The following ACOT1 variants were observed in gnomAD, a reference collection of about 807,000 sequenced individuals.
ACOT1 encodes acyl-CoA thioesterase 1.
In ACOT1, 8 loss-of-function variants were observed where a neutral mutation model predicts 15.7. That is an observed-to-expected ratio of 0.51 (90% CI 0.30 to 0.92). The LOEUF (loss-of-function observed/expected upper bound fraction) is 0.92. Ranked by LOEUF, ACOT1 falls within the 40% of genes least tolerant of loss-of-function variation. The pLI is 0.06. For missense variants in ACOT1, 151 were observed against 539.4 expected, an observed-to-expected ratio of 0.28 and a Z score of 7.13; for synonymous variants, 67 against 241.2, an observed-to-expected ratio of 0.28 and a Z score of 6.69.
the ACOT1 span, among the ~76,000 whole-genome samples, chr14:73,501,260 A>C: frequency 6.6e-6 from 1 of 151,542 alleles, no homozygotes; most frequent in African/African-American, 2.4e-5. Context: ...TTGGGACTAT[A>C]GGCGCCCACC....
chr14:73,501,515 T>C, the ACOT1 span, among the ~76,000 whole-genome samples: 2 of 150,926 alleles, frequency 1.3e-5, no homozygotes, highest in Non-Finnish European at 3.0e-5. Flanking sequence ...TCAGCCTGAG[T>C]AGCTGGGATT....
At chr14:73,510,014 C>T in the ACOT1 span, among the ~76,000 whole-genome samples, 6 of 150,650 alleles carry the variant, frequency 4.0e-5, no homozygotes, top group African/African-American at 1.5e-4. Context: ...GCTGGGACTA[C>T]AGGCACCCAG....
chr14:73,501,905 C>T, the ACOT1 span, among the ~76,000 whole-genome samples: 1 of 152,022 alleles, frequency 6.6e-6, no homozygotes. Flanking sequence ...AGGCGCCCGC[C>T]ACCACGCCCT....
the ACOT1 span, among the ~76,000 whole-genome samples, chr14:73,497,033 C>G: frequency 6.6e-6 from 1 of 151,508 alleles, no homozygotes; most frequent in Non-Finnish European, 1.5e-5. Flanking sequence ...GTTGCTGGGA[C>G]TACAGGCGCG....
At chr14:73,509,754 CAGTGAA>C in the ACOT1 span, among the ~76,000 whole-genome samples, 1 of 136,646 alleles carries the variant, frequency 7.3e-6, no homozygotes, top group Non-Finnish European at 1.5e-5. Flanking sequence ...AGCTAGGCTA[CAGTGAA>C]CTACACCATT....
At chr14:73,498,472 A>G in the ACOT1 span, 3 of 754,302 alleles carry the variant, frequency 4.0e-6, no homozygotes, top group Non-Finnish European at 6.3e-6. Flanking sequence ...AATTTTAGGG[A>G]TAGGTCAGAA....
At chr14:73,491,425 C>T in the ACOT1 span, 540 of 1,354,712 alleles carry the variant, frequency 4.0e-4, 5 homozygotes, top group Admixed American at 3.7e-4. Flanking sequence ...TGGAGGTGCC[C>T]GCCGCGCCGG....
chr14:73,528,077 A>G, the ACOT1 span, among the ~76,000 whole-genome samples: 1 of 151,856 alleles, frequency 6.6e-6, no homozygotes, highest in Admixed American at 6.6e-5. Flanking sequence ...AAAGAATACC[A>G]TATTACCATT....
At chr14:73,523,156 G>A in the ACOT1 span, 2 of 1,572,006 alleles carry the variant, frequency 1.3e-6, no homozygotes, top group East Asian at 2.3e-5. Context: ...TGGTCATACC[G>A]CGTCCCAGCA....
chr14:73,498,018 T>C, the ACOT1 span: 21 of 713,810 alleles, frequency 2.9e-5, no homozygotes, highest in African/African-American at 3.4e-4. Context: ...CCTACTTGGG[T>C]GAGTGGTGAA....
chr14:73,504,244 A>AT, the ACOT1 span, among the ~76,000 whole-genome samples: 4,363 of 131,242 alleles, frequency 0.033, 188 homozygotes, highest in South Asian at 0.16. Context: ...AGCCTGGCTA[A>AT]TTTTTTTTTT....
the ACOT1 span, chr14:73,522,339 C>T: frequency 6.2e-7 from 1 of 1,614,218 alleles, no homozygotes; most frequent in Non-Finnish European, 8.5e-7. Flanking sequence ...ACACTTTGAT[C>T]CTCAAACTCT....
the ACOT1 span, among the ~76,000 whole-genome samples, chr14:73,528,151 T>C: frequency 1.4e-3 from 212 of 151,770 alleles, no homozygotes; most frequent in South Asian, 4.0e-3. Context: ...TCCCAACACT[T>C]TGGGAGGCTG....
the ACOT1 span, among the ~76,000 whole-genome samples, chr14:73,516,655 G>T: frequency 6.6e-6 from 1 of 152,156 alleles, no homozygotes; most frequent in Non-Finnish European, 1.5e-5. Context: ...CAGGCCATGG[G>T]CCTGTACCAG....
chr14:73,532,276 T>C (rs1416643022), upstream of ACOT1, among the ~76,000 whole-genome samples: 1 of 115,330 alleles, frequency 8.7e-6, no homozygotes, highest in African/African-American at 2.8e-5. Flanking sequence ...CAATCCTATT[T>C]TCCCTGATCT....
the ACOT1 span, among the ~76,000 whole-genome samples, chr14:73,523,468 C>G: frequency 2.0e-5 from 3 of 152,366 alleles, no homozygotes; most frequent in East Asian, 5.8e-4. Flanking sequence ...TGAGGGATGA[C>G]TGCTTTTCAG....
At chr14:73,535,469 C>CTTTTTTTTT (rs869167008), upstream of ACOT1, among the ~76,000 whole-genome samples, 12 of 16,532 alleles carry the variant, frequency 7.3e-4, 1 homozygote, top group Admixed American at 3.1e-3. Flanking sequence ...TTTCTTCTTT[C>CTTTTTTTTT]TTTTTTTTTT....
rs1424247093 is a variant in ACOT1 at position 73,538,984 on chromosome 14, CAAAA to C, written c.457+1109_457+1112del. ...ACTCCATCTAAAACAAAAACAAAAA[CAAAA>C]AACAAACAACAACAACAAAAAATTT... On this transcript the variant is annotated intron_variant, in intron 1 of 2. Transcript: ENST00000311148. Among the ~76,000 whole-genome samples the C allele has an allele frequency of 6.1e-5, 7 of 115,232 alleles. 2 individuals are homozygous for C. Among genetic ancestry groups the C allele is most frequent in the African/African-American group, 1.4e-4 (5 of 35,448 alleles). 75.6% of individuals were successfully genotyped at this position (115,232 alleles called of 152,430 possible).
At chr14:73,531,887 C>A in the ACOT1 span, among the ~76,000 whole-genome samples, 6 of 113,448 alleles carry the variant, frequency 5.3e-5, 1 homozygote, top group African/African-American at 1.7e-4. Context: ...AGAAAATCAG[C>A]TGGGCCTGGT....
Sources: gnomAD v4.1 joint callset for allele counts (sites outside exome capture counted in the v4.1 genomes callset) on GRCh38, gnomAD v4.1.1 for gene constraint, MANE v1.5 for transcripts, NCBI Gene and HGNC (gene_info 2026-07-23, HGNC 2026-07-21) for gene names.